MPDZ: variants seen among roughly 807,000 people sequenced by gnomAD.
MPDZ encodes the protein multiple PDZ domain protein.
Under a neutral mutation model 239.1 loss-of-function variants are expected in MPDZ, and 234 were observed. That is an observed-to-expected ratio of 0.98 (90% CI 0.88 to 1.09). The LOEUF is 1.09. Ranked by LOEUF, MPDZ falls within the 50% of genes least tolerant of loss-of-function variation. The probability of loss-of-function intolerance (pLI) is 0.00; values close to 1 mark genes in which losing one functional copy is unlikely to be tolerated. For missense variants in MPDZ, 3,175 were observed against 2,510.0 expected (o/e 1.26, Z -5.66); for synonymous variants, 1,048 against 881.3 (o/e 1.19, Z -3.35).
chr9:13,131,926 C>T (rs1022901290), intron 32 of MPDZ, among the ~76,000 whole-genome samples: 13 of 152,182 alleles, frequency 8.5e-5, no homozygotes, highest in African/African-American at 3.1e-4. Flanking sequence ...AAAGCCCACA[C>T]TTAAAATCAT....
chr9:13,218,997 A>G (rs1587887687), intron 8 of MPDZ, among the ~76,000 whole-genome samples: 1 of 151,994 alleles, frequency 6.6e-6, no homozygotes, highest in African/African-American at 2.4e-5. Context: ...AAAAAATTAT[A>G]TAACTGGGTC....
intron 3 of MPDZ, among the ~76,000 whole-genome samples, chr9:13,240,853 A>G (rs1965237156): frequency 6.6e-6 from 1 of 152,184 alleles, no homozygotes; most frequent in Admixed American, 6.5e-5. Context: ...TTAAATTTGG[A>G]GGTTAAAAAA....
intron 45 of MPDZ, 56 bp from the exon 46 acceptor site, chr9:13,109,115 A>G: frequency 8.4e-7 from 1 of 1,189,742 alleles, no homozygotes; most frequent in Non-Finnish European, 1.1e-6. Context: ...AACTATACAT[A>G]TATGTTATGA....
chr9:13,243,772 C>A (rs1303049521), intron 3 of MPDZ, among the ~76,000 whole-genome samples: 4 of 152,136 alleles, frequency 2.6e-5, no homozygotes, highest in Non-Finnish European at 4.4e-5. Flanking sequence ...ATACACATTA[C>A]GCATCTAGAT....
intron 1 of MPDZ, among the ~76,000 whole-genome samples, chr9:13,271,928 G>C (rs1446840129): frequency 1.3e-5 from 2 of 152,060 alleles, no homozygotes; most frequent in African/African-American, 2.4e-5. Context: ...TAAAGCTCTA[G>C]AGAACGCAAA....
intron 12 of MPDZ, among the ~76,000 whole-genome samples, chr9:13,202,368 G>A (rs541732759): frequency 6.6e-6 from 1 of 152,290 alleles, no homozygotes; most frequent in East Asian, 1.9e-4. Context: ...CAACCTTTCA[G>A]TTGTTTCTAG....
At chr9:13,190,685 G>C (rs982932186) in intron 15 of MPDZ, among the ~76,000 whole-genome samples, 7 of 152,042 alleles carry the variant, frequency 4.6e-5, no homozygotes, top group African/African-American at 1.4e-4. Flanking sequence ...AAAAACAAGA[G>C]AAAATGGATA....
In MPDZ at chr9:13,143,568, A is replaced by AG. The variant is rs780819517; in HGVS notation, c.3742-5_3742-4insC. 1 of 1,610,918 alleles carries AG rather than the reference A, an allele frequency of 6.2e-7. No individual in the cohort carries two copies. Among genetic ancestry groups the AG allele is most frequent in the Admixed American group, 1.7e-5 (1 of 59,930 alleles). ...GCAAGGAAGGCAAAGGGGATTTCTA[A>AG]AAGGAAACATAAGAGGCGCTGAACG... On this transcript the variant is annotated splice_region_variant and splice_polypyrimidine_tract_variant and intron_variant, in intron 26 of 46. Coordinates refer to ENST00000319217, the MANE Select transcript of MPDZ (RefSeq NM_001378778.1).
At chr9:13,198,500 A>G (rs1955930585) in intron 12 of MPDZ, among the ~76,000 whole-genome samples, 1 of 151,684 alleles carries the variant, frequency 6.6e-6, no homozygotes, top group Non-Finnish European at 1.5e-5. Context: ...TATTAATCAG[A>G]TGGGTAGCTT....
intron 10 of MPDZ, among the ~76,000 whole-genome samples, chr9:13,208,988 T>C (rs376565405): frequency 1.5e-4 from 23 of 152,158 alleles, no homozygotes; most frequent in African/African-American, 5.1e-4. Flanking sequence ...CCAAGGTCCT[T>C]AGACCAGCAA....
chr9:13,189,992 T>G, intron 16 of MPDZ, 122 bp downstream of exon 16: 1 of 812,804 alleles, frequency 1.2e-6, no homozygotes, highest in South Asian at 2.2e-5. Context: ...TATAAATCAC[T>G]ATTTTGAAAG....
In MPDZ at chr9:13,193,316, G is replaced by T. The variant is rs758426301; in HGVS notation, c.1657-3C>A. ...CTAAACTTGCTCACATGGGCCACCT[G>T]AAAAGAAAAAAAAAAAGATCACCAC... On this transcript the variant is annotated splice_polypyrimidine_tract_variant and splice_region_variant and intron_variant, in intron 13 of 46. Transcript: ENST00000319217. 6.4e-7 allele frequency: 1 copy of T among 1,560,624 alleles called. No homozygotes were observed. Among genetic ancestry groups the T allele is most frequent in the Non-Finnish European group, 8.6e-7 (1 of 1,157,942 alleles).
chr9:13,171,315 A>C (rs1587482685), intron 21 of MPDZ, among the ~76,000 whole-genome samples: 2 of 152,316 alleles, frequency 1.3e-5, no homozygotes, highest in Non-Finnish European at 2.9e-5. Flanking sequence ...ATCTTAATTC[A>C]GCTTCAAAAT....
intron 32 of MPDZ, among the ~76,000 whole-genome samples, chr9:13,131,004 A>G (rs891897247): frequency 2.0e-5 from 3 of 152,206 alleles, no homozygotes; most frequent in African/African-American, 7.2e-5. Flanking sequence ...AAATAATAGC[A>G]AGCTCACAGG....
chr9:13,110,408 G>C (rs2131073019), intron 44 of MPDZ, among the ~76,000 whole-genome samples: 2 of 152,236 alleles, frequency 1.3e-5, no homozygotes, highest in Middle Eastern at 3.4e-3. Flanking sequence ...CTAAGGCCTG[G>C]ATTTTTTTCC....
chr9:13,198,485 C>T (rs1955928204), intron 12 of MPDZ, among the ~76,000 whole-genome samples: 1 of 151,276 alleles, frequency 6.6e-6, no homozygotes, highest in African/African-American at 2.4e-5. Flanking sequence ...TTTATATATT[C>T]TGGTTATTAA....
chr9:13,199,710 G>C (rs542952187), intron 12 of MPDZ, among the ~76,000 whole-genome samples: 1 of 152,136 alleles, frequency 6.6e-6, no homozygotes, highest in Non-Finnish European at 1.5e-5. Flanking sequence ...TATCATGAAA[G>C]GATGTTGAAT....
At chr9:13,229,770 T>C (rs911723027) in intron 3 of MPDZ, among the ~76,000 whole-genome samples, 1 of 152,108 alleles carries the variant, frequency 6.6e-6, no homozygotes, top group Non-Finnish European at 1.5e-5. Flanking sequence ...CTTAAACCAG[T>C]AAATAATTTA....
chr9:13,233,964 C>A lies in MPDZ; in HGVS notation c.184-9381G>T, dbSNP rs151152220. On this transcript the variant is annotated intron_variant, in intron 3 of 46. Coordinates refer to ENST00000319217, the MANE Select transcript of MPDZ (RefSeq NM_001378778.1). ...CCCAGAAGGAGTCCTTTAACAAGTG[C>A]TCAGGTAAAGATGAATCCTCAACAA... Among the ~76,000 whole-genome samples the A allele has an allele frequency of 1.5e-3, 228 of 152,226 alleles. 1 individual carries two copies. Among genetic ancestry groups the A allele is most frequent in the African/African-American group, 5.2e-3 (216 of 41,530 alleles).
Sources: gnomAD v4.1 joint callset for allele counts (sites outside exome capture counted in the v4.1 genomes callset) on GRCh38, gnomAD v4.1.1 for gene constraint, MANE v1.5 for transcripts, NCBI Gene and HGNC (gene_info 2026-07-23, HGNC 2026-07-21) for gene names.